The following ADAM23 variants were observed in gnomAD, a reference collection of about 807,000 sequenced individuals.
ADAM23 encodes the protein ADAM metallopeptidase domain 23, also known as disintegrin and metalloproteinase domain-containing protein 23.
Under a neutral mutation model 120.1 loss-of-function variants are expected in ADAM23, and 33 were observed. That is an observed-to-expected ratio of 0.27 (90% CI 0.21 to 0.37). The LOEUF is 0.37. Ranked by LOEUF, ADAM23 falls within the 10% of genes least tolerant of loss-of-function variation. The pLI is 1.00. For missense variants in ADAM23, 862 were observed against 1,058.2 expected (o/e 0.81, Z 2.57); for synonymous variants, 367 against 375.2 (o/e 0.98, Z 0.25).
intron 14 of ADAM23, among the ~76,000 whole-genome samples, chr2:206,565,578 T>C (rs1697860809): frequency 6.6e-6 from 1 of 152,206 alleles, no homozygotes; most frequent in African/African-American, 2.4e-5. Flanking sequence ...TTCCCTCACT[T>C]TTCTTTTGTG....
chr2:206,451,522 A>T (rs1279692531), intron 2 of ADAM23, among the ~76,000 whole-genome samples: 1 of 152,220 alleles, frequency 6.6e-6, no homozygotes, highest in Non-Finnish European at 1.5e-5. Flanking sequence ...TTACAGGCAT[A>T]AACCACTGTG....
chr2:206,444,474 G>C (rs568870036), intron 1 of ADAM23, among the ~76,000 whole-genome samples: 3 of 152,260 alleles, frequency 2.0e-5, no homozygotes, highest in Non-Finnish European at 2.9e-5. Context: ...GTGGTAATGG[G>C]CTGTTTCCTC....
intron 3 of ADAM23, 51 bp downstream of exon 3, chr2:206,481,359 T>C: frequency 7.2e-7 from 1 of 1,380,264 alleles, no homozygotes; most frequent in Non-Finnish European, 9.9e-7. Flanking sequence ...TAAAGCTTTG[T>C]TTTTATAATA....
intron 21 of ADAM23, among the ~76,000 whole-genome samples, chr2:206,591,607 A>C (rs1698427136): frequency 6.6e-6 from 1 of 152,140 alleles, no homozygotes; most frequent in Non-Finnish European, 1.5e-5. Context: ...TGCTGCTATG[A>C]ATATTCTTGT....
In ADAM23 at chr2:206,447,496, A is replaced by G. The variant is rs1695105639; in HGVS notation, c.432+1972A>G. ...AAAGTGCTCCCGTACAGGTATAGAC[A>G]GTGTTGTTGTTTGGTGGGTGCCTTG... On this transcript the variant is annotated intron_variant, in intron 2 of 25. Transcript: ENST00000264377. Among the ~76,000 whole-genome samples, 3 of 152,220 alleles carry G rather than the reference A, an allele frequency of 2.0e-5. No individual in the cohort carries two copies. In the South Asian group the frequency reaches 6.2e-4, roughly 32 times the overall value.
At chr2:206,529,064 T>G (rs1696996984) in intron 3 of ADAM23, among the ~76,000 whole-genome samples, 1 of 152,152 alleles carries the variant, frequency 6.6e-6, no homozygotes, top group African/African-American at 2.4e-5. Context: ...CCACATTGTA[T>G]AGGGAGAAAT....
chr2:206,560,468 G>A (rs1465746398), intron 11 of ADAM23, among the ~76,000 whole-genome samples: 1 of 152,058 alleles, frequency 6.6e-6, no homozygotes, highest in Non-Finnish European at 1.5e-5. Context: ...TGTAAAGCAG[G>A]TTTCCTGAAA....
At chr2:206,479,275 A>T (rs1198330001) in intron 2 of ADAM23, among the ~76,000 whole-genome samples, 1 of 152,162 alleles carries the variant, frequency 6.6e-6, no homozygotes, top group African/African-American at 2.4e-5. Flanking sequence ...GAGTGTTGTC[A>T]GTGTTTGTAC....
At chr2:206,612,341 AATT>A (rs1376946030) in intron 25 of ADAM23, among the ~76,000 whole-genome samples, 1 of 152,206 alleles carries the variant, frequency 6.6e-6, no homozygotes, top group Non-Finnish European at 1.5e-5. Flanking sequence ...TCGTAAGTAT[AATT>A]ATTTGCTATT....
chr2:206,490,217 A>G (rs1378272397), intron 3 of ADAM23, among the ~76,000 whole-genome samples: 1 of 152,208 alleles, frequency 6.6e-6, no homozygotes, highest in Non-Finnish European at 1.5e-5. Flanking sequence ...AGCCCTGTGA[A>G]TAAAACCAGC....
rs754338586 is a variant in ADAM23, at chr2:206,609,893, A to T, written c.2360-17A>T. The T allele has an allele frequency of 6.3e-7, 1 of 1,591,954 alleles. No homozygotes were observed. The highest frequency in any genetic ancestry group is 1.4e-5 in the African/African-American group (1 of 73,704). On this transcript the variant is annotated splice_polypyrimidine_tract_variant and intron_variant, in intron 24 of 25. Transcript: ENST00000264377. ...GGTTGGTTCATATGACTCTCTTCCC[A>T]TGATCCTTTGTCACAGGTCCTAGTG... is the stretch of plus-strand genomic sequence containing the variant.
Position 206,543,368 on chromosome 2 carries a change from T to C in ADAM23, c.720+52T>C, listed in dbSNP as rs758879172. ...TGGCGTTCTACTCCTCCAGCAACTT[T>C]GTCTTTGAGAAGAAAAGAGAAAAGA... is the stretch of plus-strand genomic sequence containing the variant. On this transcript the variant is annotated intron_variant, in intron 6 of 25. Transcript: ENST00000264377. 5 of 1,449,534 alleles carry C rather than the reference T, an allele frequency of 3.4e-6. No homozygotes were observed. In the East Asian group the frequency reaches 9.1e-5, roughly 26 times the overall value. The allele number at this position is 1,449,534 out of a possible 1,614,324, so 89.8% of individuals were successfully genotyped here.
At chr2:206,612,675 G>C (rs1419573019) in intron 25 of ADAM23, among the ~76,000 whole-genome samples, 2 of 152,152 alleles carry the variant, frequency 1.3e-5, no homozygotes, top group Non-Finnish European at 1.5e-5. Flanking sequence ...ACCTGCCCAA[G>C]TATAAATGAG....
chr2:206,585,179 G>A (rs1472995571), intron 18 of ADAM23, among the ~76,000 whole-genome samples: 1 of 152,140 alleles, frequency 6.6e-6, no homozygotes, highest in Non-Finnish European at 1.5e-5. Context: ...CACAGTGCAG[G>A]CCTCCGCATG....
Position 206,550,152 on chromosome 2 carries a change from C to A in ADAM23, c.925C>A (p.His309Asn). 6.4e-7 allele frequency: 1 copy of A among 1,572,692 alleles called. No individual in the cohort carries two copies. The highest frequency in any genetic ancestry group is 2.3e-5 in the East Asian group (1 of 43,912). ...KYLELMIVND[H>N]KTYKKHRSSH... ...TTTGGAACTTATGATTGTTAATGATCACAAAACGGTAAGAATATAGAGTCA... is the reference window on the plus strand; with the variant it reads ...TTTGGAACTTATGATTGTTAATGATAACAAAACGGTAAGAATATAGAGTCA... Residue 309 changes from histidine to asparagine, a missense_variant, in exon 9 of 26, where the codon CAC becomes AAC. His to Asn is a moderately conservative substitution (Grantham distance 68). Around this residue, in one of 4 missense-constraint regions of ADAM23, gnomAD observed 617 missense variants for 813.5 expected, o/e 0.76. Coordinates refer to ENST00000264377, the MANE Select transcript of ADAM23 (RefSeq NM_003812.4).
chr2:206,453,337 C>A (rs1283500334), intron 2 of ADAM23, among the ~76,000 whole-genome samples: 1 of 152,222 alleles, frequency 6.6e-6, no homozygotes, highest in Non-Finnish European at 1.5e-5. Context: ...TGCTTCAGAA[C>A]ATCATGTCAT....
At chr2:206,520,412 A>G (rs1696818639) in intron 3 of ADAM23, among the ~76,000 whole-genome samples, 1 of 152,248 alleles carries the variant, frequency 6.6e-6, no homozygotes. Context: ...ACACATTAGC[A>G]TTTGCATAAT....
Position 206,504,874 on chromosome 2 carries a change from T to C in ADAM23, c.509+23566T>C, listed in dbSNP as rs998739994. Among the ~76,000 whole-genome samples the C allele has an allele frequency of 2.0e-5, 3 of 152,160 alleles. 1 individual carries two copies. The highest frequency in any genetic ancestry group is 3.9e-4 in the East Asian group (2 of 5,194). On this transcript the variant is annotated intron_variant, in intron 3 of 25. Coordinates refer to ENST00000264377, the MANE Select transcript of ADAM23 (RefSeq NM_003812.4). ...GGCTCTTATATGTGTAAGCTGTAGATTATGTATGTGGAATTATTAAATGTA... is the reference window on the plus strand; with the variant it reads ...GGCTCTTATATGTGTAAGCTGTAGACTATGTATGTGGAATTATTAAATGTA...
chr2:206,548,502 AT>A lies in ADAM23; in HGVS notation c.867+151del. On this transcript the variant is annotated intron_variant, in intron 8 of 25. Transcript: ENST00000264377. ...AAAACAATAAACAAAAAACCCTATG[AT>A]TTGAGCCTTAACACACTGCTTTTTA... 5.7e-6 allele frequency: 4 copies of A among 704,894 alleles called. No individual in the cohort carries two copies. The South Asian group carries it at 6.7e-5, about 12-fold the overall frequency. 43.7% of individuals were successfully genotyped at this position (704,894 alleles called of 1,614,324 possible).
Sources: gnomAD v4.1 joint callset for allele counts (sites outside exome capture counted in the v4.1 genomes callset) on GRCh38, gnomAD v4.1.1 for gene constraint, gnomAD v4.1.1 regional missense constraint, MANE v1.5 for transcripts, NCBI Gene and HGNC (gene_info 2026-07-23, HGNC 2026-07-21) for gene names.